The following CRHR1 variants were observed in gnomAD, a reference collection of about 807,000 sequenced individuals.
CRHR1 encodes corticotropin-releasing hormone receptor 1.
CRHR1 carries 28 observed loss-of-function variants against 56.0 expected under a neutral mutation model. The ratio of observed to expected loss-of-function variants is 0.50; its 90% CI spans 0.37 to 0.69. The LOEUF (loss-of-function observed/expected upper bound fraction) is 0.69. Among genes scored for constraint, CRHR1 ranks in the 30% least tolerant of loss-of-function variants. CRHR1 has a pLI of 0.00. For synonymous variants in CRHR1, 195 were observed against 216.5 expected (o/e 0.90, Z 0.87); for missense variants, 376 against 548.0 (o/e 0.69, Z 3.13).
intron 3 of CRHR1, among the ~76,000 whole-genome samples, chr17:45,819,216 G>C (rs1373451689): frequency 6.6e-6 from 1 of 152,218 alleles, no homozygotes. Context: ...CCCAGGTACA[G>C]TTCCAAGCAC....
intron 2 of CRHR1, among the ~76,000 whole-genome samples, chr17:45,811,261 T>C (rs1432745800): frequency 6.6e-6 from 1 of 152,222 alleles, no homozygotes; most frequent in Non-Finnish European, 1.5e-5. Context: ...TAGGCCACCT[T>C]CAAAGGGCTC....
At chr17:45,803,575 G>C (rs1167061191) in intron 1 of CRHR1, among the ~76,000 whole-genome samples, 1 of 152,044 alleles carries the variant, frequency 6.6e-6, no homozygotes, top group Non-Finnish European at 1.5e-5. Context: ...AGTAGAGATG[G>C]GGGTTTCACC....
rs576499822 is a variant in CRHR1, at chr17:45,829,515, G to T, written c.434+194G>T. Reference sequence around the variant, plus strand: ...TCTGCCCTCTCCCCAGTAGCTGCTGGAATGGTGGGGAGGGACAAAACTTGT... The same window carrying T: ...TCTGCCCTCTCCCCAGTAGCTGCTGTAATGGTGGGGAGGGACAAAACTTGT... On this transcript the variant is annotated intron_variant, in intron 5 of 12. Transcript: ENST00000314537. 1.6e-5 allele frequency: 24 copies of T among 1,515,072 alleles called. No individual in the cohort carries two copies. In the African/African-American group the frequency reaches 3.1e-4, roughly 19 times the overall value. The allele number at this position is 1,515,072 out of a possible 1,614,324, so 93.9% of individuals were successfully genotyped here. A position where few individuals can be genotyped will look rare whatever the true frequency, so the allele number is the denominator to read the frequency against.
At chr17:45,808,485 C>G (rs542765505) in intron 2 of CRHR1, among the ~76,000 whole-genome samples, 1 of 152,180 alleles carries the variant, frequency 6.6e-6, no homozygotes, top group Non-Finnish European at 1.5e-5. Flanking sequence ...CCCTCAACCC[C>G]TCTTGAACCT....
chr17:45,784,618 G>T lies in CRHR1; in HGVS notation c.33+41G>T. ...CCATCCCTCGAGCGCTGGCGCCCCC[G>T]GCCCCTGGCGGACGCGGGACGGGGC... On this transcript the variant is annotated intron_variant, in intron 1 of 12. Transcript: ENST00000314537. This position sits in a 1 kb window ranked among gnomAD's most constrained non-coding sequence, Gnocchi z 4.2. 2 of 1,530,662 alleles carry T rather than the reference G, an allele frequency of 1.3e-6. No homozygotes were observed. Among genetic ancestry groups the T allele is most frequent in the Non-Finnish European group, 1.8e-6 (2 of 1,137,644 alleles). The allele number at this position is 1,530,662 out of a possible 1,614,324, so 94.8% of individuals were successfully genotyped here. A position where few individuals can be genotyped will look rare whatever the true frequency, so the allele number is the denominator to read the frequency against.
intron 2 of CRHR1, among the ~76,000 whole-genome samples, chr17:45,813,728 T>C (rs760480725): frequency 4.6e-5 from 7 of 152,358 alleles, no homozygotes; most frequent in Non-Finnish European, 1.0e-4. Flanking sequence ...TGGTTACTGA[T>C]TGTCTTGGAA....
At chr17:45,794,584 G>A (rs1248662134) in intron 1 of CRHR1, among the ~76,000 whole-genome samples, 1 of 152,226 alleles carries the variant, frequency 6.6e-6, no homozygotes, top group Non-Finnish European at 1.5e-5. Flanking sequence ...TGTCCAGGAG[G>A]AGGAAACTCT....
intron 2 of CRHR1, among the ~76,000 whole-genome samples, chr17:45,815,128 C>T (rs1333598306): frequency 6.6e-6 from 1 of 152,250 alleles, no homozygotes; most frequent in Non-Finnish European, 1.5e-5. Context: ...AAGGCCTCGG[C>T]CCAGGCCTGA....
chr17:45,833,302 T>C (rs2062359045), intron 9 of CRHR1, 92 bp downstream of exon 9: 1 of 1,485,286 alleles, frequency 6.7e-7, no homozygotes, highest in Admixed American at 1.7e-5. Context: ...TACCTAGAGG[T>C]GGGGGCCACC....
chr17:45,805,838 A>C (rs965221907), intron 1 of CRHR1, among the ~76,000 whole-genome samples: 1 of 152,168 alleles, frequency 6.6e-6, no homozygotes, highest in African/African-American at 2.4e-5. Flanking sequence ...TCCAACAACT[A>C]AATAAAAACC....
chr17:45,809,596 C>A (rs1185531268), intron 2 of CRHR1, among the ~76,000 whole-genome samples: 1 of 152,374 alleles, frequency 6.6e-6, no homozygotes, highest in South Asian at 2.1e-4. Context: ...TCACCCTCCA[C>A]GATGGCCTCT....
rs566786646 is a variant in CRHR1, at chr17:45,789,733, AC to A, written c.33+5160del. On this transcript the variant is annotated intron_variant, in intron 1 of 12. Coordinates refer to ENST00000314537, the MANE Select transcript of CRHR1 (RefSeq NM_004382.5). ...TGTTGCTCTAGGCCAGCCATCCCTTACCCCACCCAGTGTGGCAGTCAACATC... is the reference window on the plus strand; with the variant it reads ...TGTTGCTCTAGGCCAGCCATCCCTTACCCACCCAGTGTGGCAGTCAACATC... Among the ~76,000 whole-genome samples the A allele has an allele frequency of 1.2e-4, 19 of 152,186 alleles. 1 individual carries two copies. The South Asian group carries it at 3.5e-3, about 28-fold the overall frequency.
At chr17:45,797,245 G>A (rs995702856) in intron 1 of CRHR1, among the ~76,000 whole-genome samples, 2 of 151,596 alleles carry the variant, frequency 1.3e-5, no homozygotes, top group East Asian at 1.9e-4. Context: ...TGCGGCCTGC[G>A]CACCTAGTCC....
chr17:45,821,821 T>A (rs1859417027), intron 4 of CRHR1, among the ~76,000 whole-genome samples: 1 of 152,228 alleles, frequency 6.6e-6, no homozygotes, highest in African/African-American at 2.4e-5. Flanking sequence ...ATACATCCAG[T>A]TCCAGCCACA....
chr17:45,830,723 G>A, intron 7 of CRHR1, 153 bp downstream of exon 7: 1 of 1,190,958 alleles, frequency 8.4e-7, no homozygotes, highest in Non-Finnish European at 1.2e-6. Flanking sequence ...CCTCTTGGGG[G>A]TGGGCGGCAG....
In CRHR1 at chr17:45,830,889, TC is replaced by T. The variant is rs2062292377; in HGVS notation, c.723del (p.Ile242SerfsTer35). ...CCCATCTCTCCCCCAGGTGTGCCCT[TC>T]CCCATCATTGTGGCCTGGGCCATTG... ...MFICIGWGVPFPIIVAWAIGK... is the reference protein window; with the variant it reads ...MFICIGWGVPXPIIVAWAIGK... On this transcript the variant is annotated frameshift_variant, in exon 8 of 13. Coordinates refer to ENST00000314537, the MANE Select transcript of CRHR1 (RefSeq NM_004382.5). LOFTEE classifies it high-confidence loss of function. The T allele has an allele frequency of 6.2e-7, 1 of 1,613,666 alleles. No individual in the cohort carries two copies. Among genetic ancestry groups the T allele is most frequent in the Non-Finnish European group, 8.5e-7 (1 of 1,179,858 alleles).
intron 5 of CRHR1, chr17:45,829,595 G>A: frequency 1.3e-6 from 2 of 1,550,886 alleles, no homozygotes; most frequent in Non-Finnish European, 1.7e-6. Flanking sequence ...CCAGGCAGAT[G>A]GAGCCCTGGA....
chr17:45,824,710 C>T (rs1454902829), intron 4 of CRHR1, among the ~76,000 whole-genome samples: 1 of 152,178 alleles, frequency 6.6e-6, no homozygotes, highest in Non-Finnish European at 1.5e-5. Context: ...CAACGGGAAC[C>T]TGCTGCATGA....
At chr17:45,801,000 C>T (rs1468521093) in intron 1 of CRHR1, among the ~76,000 whole-genome samples, 2 of 152,172 alleles carry the variant, frequency 1.3e-5, no homozygotes, top group African/African-American at 2.4e-5. Flanking sequence ...TTCAACAACA[C>T]GGTTATTTAT....
Sources: allele counts gnomAD v4.1 joint callset (sites outside exome capture counted in the v4.1 genomes callset), GRCh38; gene constraint gnomAD v4.1.1; non-coding constraint Gnocchi (gnomAD v3.1); transcripts MANE v1.5; gene names NCBI Gene and HGNC (gene_info 2026-07-23, HGNC 2026-07-21).